Variants in RXFP2 observed in about 807,000 individuals in gnomAD.
RXFP2 encodes relaxin family peptide receptor 2.
Under a neutral mutation model 88.6 loss-of-function variants are expected in RXFP2, and 68 were observed. The observed-to-expected ratio is 0.77, with a 90% CI of 0.63 to 0.94. RXFP2 has a LOEUF of 0.94. RXFP2 is among the 40% of genes least tolerant of loss of function. The probability of loss-of-function intolerance (pLI) is 0.00; values close to 1 mark genes in which losing one functional copy is unlikely to be tolerated. For missense variants in RXFP2, 791 were observed against 893.9 expected (o/e 0.88, Z 1.47); for synonymous variants, 329 against 306.8 (o/e 1.07, Z -0.76).
intron 14 of RXFP2, among the ~76,000 whole-genome samples, chr13:31,791,332 A>G (rs1056326676): frequency 1.1e-4 from 16 of 152,186 alleles, no homozygotes; most frequent in Admixed American, 2.6e-4. Context: ...TGCCAGTGTC[A>G]GGGAAGAGGA....
rs1033734544 is a variant in RXFP2 at position 31,775,339 on chromosome 13, C to T, written c.591C>T (p.Ile197=). 1.2e-6 allele frequency: 2 copies of T among 1,613,602 alleles called. No individual in the cohort carries two copies. The highest frequency in any genetic ancestry group is 2.7e-5 in the African/African-American group (2 of 74,896). ...LQILYLNHNC[I]TTLRPGIFKD... ...GTAGATATCTCAACCACAACTGCAT[C>T]ACAACCCTCAGACCTGGAATATTCA... The change falls in exon 7 of 18, where the codon ATC becomes ATT. Residue 197 remains isoleucine (I), a synonymous_variant. Transcript: ENST00000298386.
chr13:31,741,312 A>G (rs914969419), intron 1 of RXFP2, among the ~76,000 whole-genome samples: 11 of 152,192 alleles, frequency 7.2e-5, no homozygotes, highest in African/African-American at 2.6e-4. Context: ...CTAATTTTAT[A>G]TTACTTTTGA....
intron 2 of RXFP2, among the ~76,000 whole-genome samples, chr13:31,759,389 GA>G (rs1322115762): frequency 7.2e-6 from 1 of 139,172 alleles, no homozygotes; most frequent in African/African-American, 2.7e-5. Flanking sequence ...AAGAAAGAAA[GA>G]AAGAAAGAAA....
chr13:31,778,526 A>T lies in RXFP2; in HGVS notation c.728A>T (p.Asn243Ile). ...TTTGTGTAAAGGTCTATGGTTAATA[A>T]CTACTTAGAAGCTCTTCCCAAGCAG... Reference protein sequence around the residue: ...NSLFFLSMVNNYLEALPKQMC... With the variant: ...NSLFFLSMVNIYLEALPKQMC... The change falls in exon 9 of 18, where the codon AAC becomes ATC. Residue 243 changes from asparagine (N) to isoleucine (I), a missense_variant. Coordinates refer to ENST00000298386, the MANE Select transcript of RXFP2 (RefSeq NM_130806.5). 2 of 1,608,648 alleles carry T rather than the reference A, an allele frequency of 1.2e-6. No homozygotes were observed. The highest frequency in any genetic ancestry group is 1.7e-6 in the Non-Finnish European group (2 of 1,175,172).
intron 3 of RXFP2, 137 bp downstream of exon 3, chr13:31,761,938 C>A: frequency 1.6e-6 from 1 of 634,798 alleles, no homozygotes; most frequent in Non-Finnish European, 2.9e-6. Context: ...GCTAACAGGT[C>A]TGCTGTCTGC....
chr13:31,761,683 G>C (rs951371919), intron 2 of RXFP2, 41 bp from the exon 3 acceptor site: 2 of 1,355,550 alleles, frequency 1.5e-6, no homozygotes, highest in South Asian at 2.3e-5. Flanking sequence ...ATGGTATTTA[G>C]TTTCTAGAAT....
chr13:31,773,681 G>C (rs866299132), intron 5 of RXFP2, among the ~76,000 whole-genome samples: 9 of 152,216 alleles, frequency 5.9e-5, no homozygotes, highest in African/African-American at 2.2e-4. Flanking sequence ...AGAGGCAAAG[G>C]CTGGGGAGCT....
chr13:31,789,527 T>G (rs1380751837), intron 14 of RXFP2, among the ~76,000 whole-genome samples: 2 of 152,230 alleles, frequency 1.3e-5, no homozygotes, highest in Non-Finnish European at 2.9e-5. Context: ...CTCTCATGAA[T>G]GAGCAGTCGG....
intron 1 of RXFP2, among the ~76,000 whole-genome samples, chr13:31,747,796 T>C (rs986396324): frequency 1.3e-5 from 2 of 152,156 alleles, no homozygotes; most frequent in Non-Finnish European, 2.9e-5. Flanking sequence ...ATGTGCAAGA[T>C]GGTTTGGGTA....
intron 1 of RXFP2, among the ~76,000 whole-genome samples, chr13:31,756,811 G>C (rs1044835233): frequency 7.9e-5 from 12 of 151,916 alleles, no homozygotes; most frequent in Non-Finnish European, 1.6e-4. Context: ...AGTAGAGATA[G>C]GGTTTCACCA....
chr13:31,746,664 A>C (rs1348852583), intron 1 of RXFP2, among the ~76,000 whole-genome samples: 1 of 147,396 alleles, frequency 6.8e-6, no homozygotes, highest in Admixed American at 6.8e-5. Context: ...ATTCGATTAT[A>C]GCTCAGCCAG....
intron 5 of RXFP2, among the ~76,000 whole-genome samples, chr13:31,770,432 G>A (rs1455517897): frequency 6.6e-6 from 1 of 152,084 alleles, no homozygotes; most frequent in African/African-American, 2.4e-5. Context: ...AAACCAGAGG[G>A]CTTTAATTAA....
At chr13:31,751,532 C>T (rs1163595507) in intron 1 of RXFP2, among the ~76,000 whole-genome samples, 1 of 152,138 alleles carries the variant, frequency 6.6e-6, no homozygotes, top group East Asian at 1.9e-4. Flanking sequence ...GGTACCCACG[C>T]TTATGTGAGG....
intron 2 of RXFP2, among the ~76,000 whole-genome samples, chr13:31,759,054 A>G (rs1872120891): frequency 1.3e-5 from 2 of 151,718 alleles, no homozygotes; most frequent in Admixed American, 1.3e-4. Context: ...TCTCAAAAAA[A>G]AAAAAATGCA....
chr13:31,789,212 T>C lies in RXFP2; in HGVS notation c.1145+19T>C. On this transcript the variant is annotated intron_variant, in intron 14 of 17. Coordinates refer to ENST00000298386, the MANE Select transcript of RXFP2 (RefSeq NM_130806.5). Reference sequence around the variant, plus strand: ...CTCACATGTACGTATGTATAAAAAATGGAGGAGGAAGCATGGTAAAATGCT... The same window carrying C: ...CTCACATGTACGTATGTATAAAAAACGGAGGAGGAAGCATGGTAAAATGCT... The C allele has an allele frequency of 6.7e-7, 1 of 1,494,230 alleles. No homozygotes were observed. The highest frequency in any genetic ancestry group is 9.3e-7 in the Non-Finnish European group (1 of 1,073,138). The allele number at this position is 1,494,230 out of a possible 1,614,324, so 92.6% of individuals were successfully genotyped here.
At position 31,776,253 on chromosome 13, in the gene RXFP2, C is replaced by CTTTTT. The variant is rs149978498; in HGVS notation, c.641+880_641+884dup. On this transcript the variant is annotated intron_variant, in intron 7 of 17. Transcript: ENST00000298386. ...TCCTTTTTTCCTTCCCTCTTTCCTT[C>CTTTTT]TTTTTTTTTTTTTTTTTTTTGAGAC... Among the ~76,000 whole-genome samples, 77 of 84,396 alleles carry CTTTTT rather than the reference C, an allele frequency of 9.1e-4. 2 individuals carry two copies. Among genetic ancestry groups the CTTTTT allele is most frequent in the African/African-American group, 3.2e-3 (67 of 20,708 alleles). 55.4% of individuals were successfully genotyped at this position (84,396 alleles called of 152,430 possible).
chr13:31,776,494 C>G (rs1245251333), intron 7 of RXFP2, among the ~76,000 whole-genome samples: 2 of 151,926 alleles, frequency 1.3e-5, no homozygotes, highest in Non-Finnish European at 2.9e-5. Context: ...CTCCTGAGCT[C>G]AAGCGATCTG....
chr13:31,803,052 G>T lies in RXFP2; in HGVS notation c.*647G>T, dbSNP rs1438700088. 2 of 152,306 alleles carry T rather than the reference G, an allele frequency of 1.3e-5. No individual in the cohort carries two copies. The highest frequency in any genetic ancestry group is 2.9e-5 in the Non-Finnish European group (2 of 68,140). The allele number at this position is 152,306 out of a possible 1,614,324, so 9.4% of individuals were successfully genotyped here. On this transcript the variant is annotated 3_prime_UTR_variant, in exon 18 of 18. Transcript: ENST00000298386. ...GATTTTATTTAATATCAGAAGAGAT[G>T]AATTCTTAAGATATTTTTCTGAAGG...
chr13:31,750,352 G>A (rs1394686529), intron 1 of RXFP2, among the ~76,000 whole-genome samples: 1 of 151,944 alleles, frequency 6.6e-6, no homozygotes, highest in African/African-American at 2.4e-5. Flanking sequence ...TTCTTCTGTA[G>A]GTATAGTCTC....
Sources: allele counts gnomAD v4.1 joint callset (sites outside exome capture counted in the v4.1 genomes callset), GRCh38; gene constraint gnomAD v4.1.1; transcripts MANE v1.5; gene names NCBI Gene and HGNC (gene_info 2026-07-23, HGNC 2026-07-21).